The following ENOSF1 variants were observed in gnomAD, a reference collection of about 807,000 sequenced individuals.
ENOSF1 encodes enolase superfamily member 1.
ENOSF1 carries 73 observed loss-of-function variants against 68.2 expected under a neutral mutation model. The ratio of observed to expected loss-of-function variants is 1.07; its 90% CI spans 0.89 to 1.30. The LOEUF (loss-of-function observed/expected upper bound fraction) is 1.30. Ranked by LOEUF, ENOSF1 falls within the 50% of genes most tolerant of loss-of-function variation. The pLI is 0.00. For missense variants in ENOSF1, 589 were observed against 554.5 expected (o/e 1.06, Z -0.62); for synonymous variants, 223 against 210.4 (o/e 1.06, Z -0.52).
chr18:701,572 T>C (rs2847171), intron 2 of ENOSF1, among the ~76,000 whole-genome samples: 93,983 of 151,530 alleles, frequency 0.62, 29,640 homozygotes, highest in African/African-American at 0.76. Flanking sequence ...CTGGCTAACA[T>C]GGTGAAACCC....
chr18:674,652 G>C (rs1448428462), intron 15 of ENOSF1, among the ~76,000 whole-genome samples: 1 of 152,082 alleles, frequency 6.6e-6, no homozygotes, highest in Non-Finnish European at 1.5e-5. Context: ...CCATGTAGCT[G>C]GGATCACAGG....
intron 11 of ENOSF1, among the ~76,000 whole-genome samples, chr18:679,811 G>A (rs141019315): frequency 4.1e-4 from 63 of 152,184 alleles, no homozygotes; most frequent in African/African-American, 1.2e-3. Flanking sequence ...CAGCTACTCC[G>A]CACAGGTAGC....
Position 671,260 on chromosome 18 carries a change from C to A in ENOSF1, c.*3045G>T. 2 of 759,010 alleles carry A rather than the reference C, an allele frequency of 2.6e-6. No individual in the cohort carries two copies. Among genetic ancestry groups the A allele is most frequent in the Non-Finnish European group, 4.6e-6 (2 of 434,914 alleles). The allele number at this position is 759,010 out of a possible 1,614,324, so 47.0% of individuals were successfully genotyped here. Reference sequence around the variant, plus strand: ...CTGTTGCTACAAAAAAATGGAAAAGCTACACTAAATTATTTTTTTAAAAAA... The same window carrying A: ...CTGTTGCTACAAAAAAATGGAAAAGATACACTAAATTATTTTTTTAAAAAA... On this transcript the variant is annotated 3_prime_UTR_variant, in exon 16 of 16. Transcript: ENST00000647584.
rs1220918699 is a variant in ENOSF1, at chr18:672,791, A to G, written c.*1514T>C. On this transcript the variant is annotated 3_prime_UTR_variant, in exon 16 of 16. Transcript: ENST00000647584. ...TGATCACATCCTGTGTACTTGTTTCACGGACATGAGGAGCAATTACAACAG... is the reference window on the plus strand; with the variant it reads ...TGATCACATCCTGTGTACTTGTTTCGCGGACATGAGGAGCAATTACAACAG... The G allele has an allele frequency of 2.0e-6, 3 of 1,481,386 alleles. No individual in the cohort carries two copies. The highest frequency in any genetic ancestry group is 2.7e-6 in the Non-Finnish European group (3 of 1,093,140). 91.8% of individuals were successfully genotyped at this position (1,481,386 alleles called of 1,614,324 possible). A position where few individuals can be genotyped will look rare whatever the true frequency, so the allele number is the denominator to read the frequency against.
intron 2 of ENOSF1, among the ~76,000 whole-genome samples, chr18:706,249 T>C (rs1397365431): frequency 6.6e-6 from 1 of 152,066 alleles, no homozygotes; most frequent in Non-Finnish European, 1.5e-5. Flanking sequence ...AGGCTAGAGA[T>C]GATTGCAAGG....
intron 3 of ENOSF1, among the ~76,000 whole-genome samples, chr18:695,959 T>C (rs115743953): frequency 0.02 from 3,049 of 152,218 alleles, 103 homozygotes; most frequent in African/African-American, 0.071. Flanking sequence ...CCCTTCTCAG[T>C]GCATGGATGG....
intron 1 of ENOSF1, among the ~76,000 whole-genome samples, chr18:709,009 T>C (rs1763067521): frequency 6.6e-6 from 1 of 152,058 alleles, no homozygotes; most frequent in Non-Finnish European, 1.5e-5. Context: ...GAGCCAAAAG[T>C]GACTCGAAGC....
chr18:665,015 G>T, the ENOSF1 span, among the ~76,000 whole-genome samples: 1 of 151,480 alleles, frequency 6.6e-6, no homozygotes, highest in African/African-American at 2.4e-5. Flanking sequence ...TTTGGTATCA[G>T]GATGATGCTG....
Position 706,488 on chromosome 18 carries a change from C to G in ENOSF1, c.175G>C (p.Gly59Arg). The G allele has an allele frequency of 1.9e-6, 3 of 1,613,366 alleles. No individual in the cohort carries two copies. Among genetic ancestry groups the G allele is most frequent in the Non-Finnish European group, 2.5e-6 (3 of 1,179,508 alleles). ...IKGCGITFTL[G>R]KGTEVVVCAV... is the part of the protein sequence containing the mutation. ...AACTCACCAACTTCAGTGCCTTTTC[C>G]CAGAGTGAAGGTAATTCCACACCCC... The change falls in exon 2 of 16, where the codon GGA becomes CGA. Residue 59 changes from glycine to arginine, a missense_variant. Gly to Arg is a moderately radical substitution (Grantham distance 125). Transcript: ENST00000647584.
intron 12 of ENOSF1, 65 bp from the exon 13 acceptor site, chr18:677,937 C>A: frequency 6.4e-7 from 1 of 1,553,216 alleles, no homozygotes; most frequent in Non-Finnish European, 8.7e-7. Context: ...ATCTCTAAAC[C>A]TGGCAACGCA....
At chr18:669,022 CAT>C (rs772402370), downstream of ENOSF1, 20 of 1,487,684 alleles carry the variant, frequency 1.3e-5, no homozygotes, top group Non-Finnish European at 1.6e-5. Flanking sequence ...CATCTCATGA[CAT>C]GTGTGATTAA....
intron 2 of ENOSF1, among the ~76,000 whole-genome samples, chr18:703,902 G>A (rs990189394): frequency 5.9e-5 from 9 of 152,026 alleles, no homozygotes; most frequent in Admixed American, 5.2e-4. Flanking sequence ...GTGAGTTCTC[G>A]TGAGATCTGG....
At chr18:700,343 G>A (rs2078201502) in intron 2 of ENOSF1, among the ~76,000 whole-genome samples, 1 of 152,202 alleles carries the variant, frequency 6.6e-6, no homozygotes, top group Admixed American at 6.5e-5. Context: ...AAGTAAGTCA[G>A]TGACTCACAG....
At chr18:691,354 TC>T (rs1336678068) in intron 5 of ENOSF1, 78 bp from the exon 6 acceptor site, 11 of 1,243,834 alleles carry the variant, frequency 8.8e-6, no homozygotes, top group African/African-American at 1.5e-5. Flanking sequence ...AATTTATTAT[TC>T]TTTTTTTAGA....
intron 2 of ENOSF1, 36 bp downstream of exon 2, chr18:706,434 A>G: frequency 7.6e-7 from 1 of 1,314,206 alleles, no homozygotes; most frequent in Non-Finnish European, 1.1e-6. Context: ...TCTGAAAATT[A>G]AGCATTCTGG....
intron 10 of ENOSF1, among the ~76,000 whole-genome samples, chr18:685,511 T>C (rs2847618): frequency 0.21 from 31,494 of 152,112 alleles, 3,513 homozygotes; most frequent in Admixed American, 0.27. Context: ...AACTGGTTTA[T>C]AAAAATACAA....
Position 670,620 on chromosome 18 carries a change from T to C in ENOSF1, c.*3685A>G. On this transcript the variant is annotated 3_prime_UTR_variant, in exon 16 of 16. Transcript: ENST00000647584. Reference sequence around the variant, plus strand: ...TATGAGTTGGCTTCTGTTTCTCTCCTGTTTTACTTTGCCTTTAGCTGTGGT... The same window carrying C: ...TATGAGTTGGCTTCTGTTTCTCTCCCGTTTTACTTTGCCTTTAGCTGTGGT... 6.5e-7 allele frequency: 1 copy of C among 1,538,990 alleles called. No homozygotes were observed.
intron 15 of ENOSF1, 122 bp downstream of exon 15, chr18:675,195 CGTTT>C (rs1239473266): frequency 8.1e-6 from 6 of 743,000 alleles, no homozygotes; most frequent in East Asian, 2.7e-5. Flanking sequence ...ACTGAAGAAC[CGTTT>C]GTTAGTGGAT....
Position 691,252 on chromosome 18 carries a change from T to G in ENOSF1, c.448A>C (p.Ile150Leu), listed in dbSNP as rs143796568. ...ACATCAGTGATGTACCTGAAATCTATGCAGGATACCAGCATCCTGGGATCC... is the reference window on the plus strand; with the variant it reads ...ACATCAGTGATGTACCTGAAATCTAGGCAGGATACCAGCATCCTGGGATCC... The part of the protein sequence containing the change: ...DMDPRMLVSC[I>L]DFRYITDVLT... The change falls in exon 6 of 16, where the codon ATA becomes CTA. Residue 150 changes from isoleucine (I) to leucine (L), a missense_variant. Coordinates refer to ENST00000647584, the MANE Select transcript of ENOSF1 (RefSeq NM_017512.7). 1 of 1,614,156 alleles carries G rather than the reference T, an allele frequency of 6.2e-7. No individual in the cohort carries two copies. Among genetic ancestry groups the G allele is most frequent in the East Asian group, 2.2e-5 (1 of 44,872 alleles).
Sources: gnomAD v4.1 joint callset for allele counts (sites outside exome capture counted in the v4.1 genomes callset) on GRCh38, gnomAD v4.1.1 for gene constraint, MANE v1.5 for transcripts, NCBI Gene and HGNC (gene_info 2026-07-23, HGNC 2026-07-21) for gene names.